Variants in CDH12 observed in about 807,000 individuals in gnomAD.
The protein encoded by CDH12 is cadherin-12.
CDH12 carries 41 observed loss-of-function variants against 74.1 expected under a neutral mutation model. The observed-to-expected ratio is 0.55, with a 90% CI of 0.43 to 0.72. The LOEUF is 0.72. Among genes scored for constraint, CDH12 ranks in the 30% least tolerant of loss-of-function variants. The pLI is 0.00. For synonymous variants in CDH12, 399 were observed against 355.0 expected, an observed-to-expected ratio of 1.12 and a Z score of -1.39; for missense variants, 945 against 977.2, an observed-to-expected ratio of 0.97 and a Z score of 0.44.
intron 5 of CDH12, among the ~76,000 whole-genome samples, chr5:21,978,371 T>C (rs1757157763): frequency 6.6e-6 from 1 of 152,128 alleles, no homozygotes; most frequent in African/African-American, 2.4e-5. Context: ...TCAAACTCCT[T>C]ACCTCAAATA....
intron 5 of CDH12, among the ~76,000 whole-genome samples, chr5:22,065,225 G>C (rs1165007454): frequency 6.6e-6 from 1 of 152,112 alleles, no homozygotes; most frequent in Non-Finnish European, 1.5e-5. Context: ...AAGTTGAGGT[G>C]CAAGTGTGAC....
At chr5:22,272,090 G>C (rs1736425563) in intron 3 of CDH12, among the ~76,000 whole-genome samples, 1 of 152,158 alleles carries the variant, frequency 6.6e-6, no homozygotes, top group South Asian at 2.1e-4. Context: ...CCAGTAGTAG[G>C]CTGTTTTGTT....
At chr5:22,422,569 C>T (rs568842731) in intron 2 of CDH12, among the ~76,000 whole-genome samples, 9 of 151,984 alleles carry the variant, frequency 5.9e-5, no homozygotes, top group East Asian at 3.9e-4. Context: ...TTGCATGATA[C>T]GATATCAACA....
chr5:22,051,985 T>G (rs995753595), intron 5 of CDH12, among the ~76,000 whole-genome samples: 15 of 152,134 alleles, frequency 9.9e-5, no homozygotes, highest in Non-Finnish European at 2.1e-4. Context: ...AGTAAACAAT[T>G]AGAATATTTT....
In CDH12 at chr5:21,783,389, C is replaced by T; in HGVS notation, c.1362G>A (p.Gln454=). ...NELLDRESTA[Q]YNFSIIASKV... is the part of the protein sequence containing the mutation. ...TACTCGCAATTATGGAGAAATTATA[C>T]TGCGCAGTGCTTTCTCTGTCTAGTA... Residue 454 remains glutamine, a synonymous_variant, in exon 11 of 15, where the codon CAG becomes CAA. Transcript: ENST00000382254. 1 of 1,612,844 alleles carries T rather than the reference C, an allele frequency of 6.2e-7. No homozygotes were observed.
At chr5:22,238,069 A>G (rs78004153) in intron 3 of CDH12, among the ~76,000 whole-genome samples, 6,087 of 152,226 alleles carry the variant, frequency 0.04, 426 homozygotes, top group African/African-American at 0.14. Context: ...TGGAGCCAGC[A>G]TCTTTCTTGA....
chr5:21,929,777 C>T (rs937543814), intron 6 of CDH12, among the ~76,000 whole-genome samples: 62 of 152,064 alleles, frequency 4.1e-4, no homozygotes, highest in African/African-American at 1.5e-3. Context: ...CTCAGCCCAT[C>T]CAAAGTGCTG....
intron 5 of CDH12, among the ~76,000 whole-genome samples, chr5:22,075,982 A>G (rs940329405): frequency 2.0e-5 from 3 of 152,110 alleles, no homozygotes; most frequent in African/African-American, 7.2e-5. Context: ...ATTGGTCCCC[A>G]TGTTATCATA....
intron 4 of CDH12, among the ~76,000 whole-genome samples, chr5:22,118,730 A>T (rs1358777396): frequency 6.6e-6 from 1 of 152,124 alleles, no homozygotes; most frequent in Non-Finnish European, 1.5e-5. Context: ...AATTATGCAC[A>T]GACTTCCATT....
intron 3 of CDH12, among the ~76,000 whole-genome samples, chr5:22,307,407 CTTG>C (rs1738160196): frequency 6.6e-6 from 1 of 152,146 alleles, no homozygotes; most frequent in African/African-American, 2.4e-5. Context: ...CCTTACATAA[CTTG>C]TTGTTGATTC....
intron 3 of CDH12, among the ~76,000 whole-genome samples, chr5:22,279,624 C>T (rs916130900): frequency 4.6e-5 from 7 of 152,074 alleles, no homozygotes; most frequent in African/African-American, 1.4e-4. Flanking sequence ...AGAACATGCG[C>T]TGTTTGGGTT....
At chr5:21,993,582 C>G (rs976686459) in intron 5 of CDH12, among the ~76,000 whole-genome samples, 2 of 152,292 alleles carry the variant, frequency 1.3e-5, no homozygotes, top group East Asian at 3.9e-4. Flanking sequence ...CCCCAGCTCA[C>G]AGCTGGCAGT....
At chr5:22,228,532 A>G (rs1220839142) in intron 3 of CDH12, among the ~76,000 whole-genome samples, 1 of 152,188 alleles carries the variant, frequency 6.6e-6, no homozygotes, top group East Asian at 1.9e-4. Flanking sequence ...AAAAATATGT[A>G]AATAGATAAA....
intron 5 of CDH12, among the ~76,000 whole-genome samples, chr5:21,998,685 G>A (rs1210014213): frequency 6.6e-6 from 1 of 152,078 alleles, no homozygotes; most frequent in Non-Finnish European, 1.5e-5. Context: ...AAGCAGAATA[G>A]CAGTAAATAG....
At chr5:22,763,578 C>T (rs961523030) in intron 1 of CDH12, among the ~76,000 whole-genome samples, 15 of 151,906 alleles carry the variant, frequency 9.9e-5, no homozygotes, top group Admixed American at 9.2e-4. Context: ...GAGCCTCTGA[C>T]AATTTGTTCA....
chr5:22,517,630 C>T (rs1736863590), intron 1 of CDH12, among the ~76,000 whole-genome samples: 2 of 152,142 alleles, frequency 1.3e-5, no homozygotes, highest in Non-Finnish European at 2.9e-5. Flanking sequence ...CTGGAGAACT[C>T]TGACTAATAC....
intron 3 of CDH12, among the ~76,000 whole-genome samples, chr5:22,271,904 C>T (rs1320172306): frequency 6.6e-6 from 1 of 151,994 alleles, no homozygotes; most frequent in Non-Finnish European, 1.5e-5. Flanking sequence ...AGGGCACAGG[C>T]AGAGTAGATT....
Position 21,975,337 on chromosome 5 carries a change from A to C in CDH12, c.280T>G (p.Ser94Ala). Residue 94 changes from serine to alanine, a missense_variant, in exon 6 of 15, where the codon TCA becomes GCA. Physicochemically the swap from Ser to Ala is moderately conservative, Grantham distance 99. Transcript: ENST00000382254. The part of the protein sequence containing the change: ...KGEGTVKYTL[S>A]GDGAGTVFTI... ...AAAACGGTGCCAGCGCCATCTCCTGAGAGGGTGTATTTCACAGTGCCCTCT... is the reference window on the plus strand; with the variant it reads ...AAAACGGTGCCAGCGCCATCTCCTGCGAGGGTGTATTTCACAGTGCCCTCT... 1 of 1,597,142 alleles carries C rather than the reference A, an allele frequency of 6.3e-7. No individual in the cohort carries two copies. The highest frequency in any genetic ancestry group is 8.5e-7 in the Non-Finnish European group (1 of 1,179,560).
At chr5:22,742,861 G>T (rs1745098071) in intron 1 of CDH12, among the ~76,000 whole-genome samples, 2 of 152,044 alleles carry the variant, frequency 1.3e-5, no homozygotes, top group African/African-American at 4.8e-5. Flanking sequence ...GCCACAGGGT[G>T]CCTAGATAGT....
Sources: gnomAD v4.1 joint callset for allele counts (sites outside exome capture counted in the v4.1 genomes callset) on GRCh38, gnomAD v4.1.1 for gene constraint, MANE v1.5 for transcripts, NCBI Gene and HGNC (gene_info 2026-07-23, HGNC 2026-07-21) for gene names.